CRYBB2: variants seen among roughly 807,000 people sequenced by gnomAD.
CRYBB2 encodes crystallin beta B2, also known as beta-crystallin B2.
Under a neutral mutation model 24.3 loss-of-function variants are expected in CRYBB2, and 12 were observed. The ratio of observed to expected loss-of-function variants is 0.49; its 90% CI spans 0.32 to 0.80. The LOEUF (loss-of-function observed/expected upper bound fraction) is 0.80. Among genes scored for constraint, CRYBB2 ranks in the 30% least tolerant of loss-of-function variants. The probability of loss-of-function intolerance (pLI) is 0.04; values close to 1 mark genes in which losing one functional copy is unlikely to be tolerated. For missense variants in CRYBB2, 198 were observed against 268.5 expected, an observed-to-expected ratio of 0.74 and a Z score of 1.83; for synonymous variants, 98 against 101.6, an observed-to-expected ratio of 0.96 and a Z score of 0.21.
At chr22:25,228,075 A>G (rs1429728570) in intron 4 of CRYBB2, 90 bp downstream of exon 4, 4 of 1,590,866 alleles carry the variant, frequency 2.5e-6, no homozygotes, top group African/African-American at 1.3e-5. Flanking sequence ...TCTGGGGACC[A>G]GGAAGGGGCC....
At chr22:25,216,984 T>A (rs1165068680), upstream of CRYBB2, among the ~76,000 whole-genome samples, 4 of 152,244 alleles carry the variant, frequency 2.6e-5, no homozygotes, top group Non-Finnish European at 4.4e-5. Flanking sequence ...AATATTCCAT[T>A]GTATGGATAG....
At chr22:25,212,579 C>T (rs578009592) in exon 1 of CRYBB2, among the ~76,000 whole-genome samples, 29 of 152,304 alleles carry the variant, frequency 1.9e-4, no homozygotes, top group African/African-American at 6.3e-4. Context: ...CTTGCCTTTC[C>T]GTCGGACATC....
chr22:25,221,211 G>C (rs1314215163), intron 1 of CRYBB2, among the ~76,000 whole-genome samples, 193 bp from the exon 2 acceptor site: 1 of 152,172 alleles, frequency 6.6e-6, no homozygotes, highest in African/African-American at 2.4e-5. Flanking sequence ...CCTGCAGCTG[G>C]CCTGGATAGA....
At chr22:25,219,371 C>A (rs1215349975), upstream of CRYBB2, among the ~76,000 whole-genome samples, 1 of 152,282 alleles carries the variant, frequency 6.6e-6, no homozygotes, top group South Asian at 2.1e-4. Flanking sequence ...ACCCAGCGTA[C>A]CCCTGGCCCT....
chr22:25,214,072 C>T (rs1461891796), intron 1 of CRYBB2, among the ~76,000 whole-genome samples: 4 of 152,144 alleles, frequency 2.6e-5, no homozygotes, highest in African/African-American at 9.7e-5. Flanking sequence ...GGTGCAGTGG[C>T]CCATGACTGA....
At position 25,227,873 on chromosome 22, in the gene CRYBB2, C is replaced by T; in HGVS notation, c.194C>T (p.Ala65Val). 6.2e-7 allele frequency: 1 copy of T among 1,614,114 alleles called. No individual in the cohort carries two copies. Residue 65 changes from alanine (A) to valine (V), a missense_variant, in exon 4 of 6, where the codon GCC becomes GTC. Physicochemically the swap from Ala to Val is moderately conservative, Grantham distance 64. Coordinates refer to ENST00000398215, the MANE Select transcript of CRYBB2 (RefSeq NM_000496.3). ...GGCAGCTGGGTGGGCTATGAACAGG[C>T]CAACTGCAAGGGCGAGCAGTTTGTG... ...QAGPWVGYEQ[A>V]NCKGEQFVFE...
intron 5 of CRYBB2, among the ~76,000 whole-genome samples, chr22:25,231,072 G>A (rs1601424368): frequency 6.6e-6 from 1 of 152,182 alleles, no homozygotes; most frequent in Non-Finnish European, 1.5e-5. Context: ...AGCTGGAGGT[G>A]TCCACAGAAA....
At position 25,229,563 on chromosome 22, in the gene CRYBB2, G is replaced by A. The variant is rs776010780; in HGVS notation, c.434G>A (p.Arg145Gln). 47 of 1,614,140 alleles carry A rather than the reference G, an allele frequency of 2.9e-5. No homozygotes were observed. The highest frequency in any genetic ancestry group is 3.8e-5 in the Non-Finnish European group (45 of 1,180,056). Residue 145 changes from arginine to glutamine, a missense_variant, in exon 5 of 6, where the codon CGG (arginine) becomes CAG (glutamine). Physicochemically the swap from Arg to Gln is conservative, Grantham distance 43 (BLOSUM62 1). Transcript: ENST00000398215. ...HGYQEKVSSVRVQSGTWVGYQ... is the reference protein window; with the variant it reads ...HGYQEKVSSVQVQSGTWVGYQ... ...TACCAGGAGAAGGTGTCATCTGTGCGGGTGCAGAGTGGCACGTAAGTGCGT... is the reference window on the plus strand; with the variant it reads ...TACCAGGAGAAGGTGTCATCTGTGCAGGTGCAGAGTGGCACGTAAGTGCGT...
rs1264981153 is a variant in CRYBB2, at chr22:25,219,673, T to C, written c.-27+7T>C. The C allele has an allele frequency of 6.6e-6, 1 of 152,192 alleles. No individual in the cohort carries two copies. The highest frequency in any genetic ancestry group is 2.4e-5 in the African/African-American group (1 of 41,434). The allele number at this position is 152,192 out of a possible 1,614,324, so 9.4% of individuals were successfully genotyped here. On this transcript the variant is annotated splice_region_variant and intron_variant, in intron 1 of 5. Coordinates refer to ENST00000398215, the MANE Select transcript of CRYBB2 (RefSeq NM_000496.3). ...GCAGGGGCTGGTGTCACTGGTAAGA[T>C]TGCCTCTCTTGCTTGTCTTCCCTTC...
chr22:25,225,098 T>C lies in CRYBB2; in HGVS notation c.173+62T>C, dbSNP rs1379953107. The C allele has an allele frequency of 4.4e-6, 4 of 906,048 alleles. No individual in the cohort carries two copies. The East Asian group carries it at 9.6e-5, about 22-fold the overall frequency. 56.1% of individuals were successfully genotyped at this position (906,048 alleles called of 1,614,324 possible). On this transcript the variant is annotated intron_variant, in intron 3 of 5. Transcript: ENST00000398215. ...TGGGTGAGGTGATCAAGTTGTGGAG[T>C]GGGGGAATCTACCCTTGCTCCTGTC...
At chr22:25,218,779 G>GAGAGGGAGAAAGAAAGAAAGAAA, upstream of CRYBB2, among the ~76,000 whole-genome samples, 1 of 34,532 alleles carries the variant, frequency 2.9e-5, no homozygotes, top group South Asian at 1.2e-3. Flanking sequence ...GAGAGAGAGA[G>GAGAGGGAGAAAGAAAGAAAGAAA]AAGAAAGAAA....
chr22:25,224,000 T>C (rs903420929), intron 2 of CRYBB2, among the ~76,000 whole-genome samples: 13 of 151,888 alleles, frequency 8.6e-5, no homozygotes, highest in Admixed American at 2.6e-4. Context: ...GGCAGGCGCC[T>C]GTAGTCCCAG....
upstream of CRYBB2, among the ~76,000 whole-genome samples, chr22:25,218,818 GAAAGAAAGAAAGAAAGAAAGAGAA>G (rs1324486017): frequency 9.2e-4 from 60 of 65,312 alleles, 3 homozygotes; most frequent in African/African-American, 4.2e-3. Context: ...AAGAAAGAAA[GAAAGAAAGAAAGAAAGAAAGAGAA>G]AGAAAGAAAG....
chr22:25,231,831 G>C lies in CRYBB2; in HGVS notation c.*59G>C. On this transcript the variant is annotated 3_prime_UTR_variant, in exon 6 of 6. Transcript: ENST00000398215. ...AGGTCTGCTGCCCAGGAACCCTCCA[G>C]ACCTCCCAGAGAGTGAATAAAGTGT... 1 of 1,519,962 alleles carries C rather than the reference G, an allele frequency of 6.6e-7. No individual in the cohort carries two copies. The highest frequency in any genetic ancestry group is 1.7e-5 in the Admixed American group (1 of 59,792). The allele number at this position is 1,519,962 out of a possible 1,614,324, so 94.2% of individuals were successfully genotyped here. A position where few individuals can be genotyped will look rare whatever the true frequency, so the allele number is the denominator to read the frequency against.
At chr22:25,217,687 A>C (rs1358254580), upstream of CRYBB2, among the ~76,000 whole-genome samples, 2 of 152,206 alleles carry the variant, frequency 1.3e-5, no homozygotes, top group African/African-American at 4.8e-5. Context: ...ATGGTAAACC[A>C]GGGGGACAAC....
At chr22:25,229,027 T>C (rs1000701414) in intron 4 of CRYBB2, among the ~76,000 whole-genome samples, 4 of 146,248 alleles carry the variant, frequency 2.7e-5, no homozygotes, top group Admixed American at 6.7e-5. Context: ...TGTGCACGTG[T>C]GTGCGTGCGT....
upstream of CRYBB2, among the ~76,000 whole-genome samples, chr22:25,217,621 C>T (rs185819461): frequency 1.5e-3 from 226 of 152,250 alleles, no homozygotes; most frequent in Non-Finnish European, 2.3e-3. Context: ...CCGGCCAGCC[C>T]TGGGATTTTA....
At chr22:25,218,273 T>C (rs1270573324), upstream of CRYBB2, among the ~76,000 whole-genome samples, 1 of 122,192 alleles carries the variant, frequency 8.2e-6, no homozygotes, top group Non-Finnish European at 1.8e-5. Context: ...AAAAAAAAAA[T>C]AGAAAAGAAA....
rs547513580 is a variant in CRYBB2, at chr22:25,223,992, C to T, written c.55-926C>T. On this transcript the variant is annotated intron_variant, in intron 2 of 5. Coordinates refer to ENST00000398215, the MANE Select transcript of CRYBB2 (RefSeq NM_000496.3). ...AAAAAAAATTAGCTGGGCGTGGTGG[C>T]AGGCGCCTGTAGTCCCAGCTACTCA... is the stretch of plus-strand genomic sequence containing the variant. Among the ~76,000 whole-genome samples, 26 of 152,158 alleles carry T rather than the reference C, an allele frequency of 1.7e-4. No homozygotes were observed. In the East Asian group the frequency reaches 2.5e-3, roughly 15 times the overall value.
Sources: gnomAD v4.1 joint callset for allele counts (sites outside exome capture counted in the v4.1 genomes callset) on GRCh38, gnomAD v4.1.1 for gene constraint, MANE v1.5 for transcripts, NCBI Gene and HGNC (gene_info 2026-07-23, HGNC 2026-07-21) for gene names.